USP25: variants seen among roughly 807,000 people sequenced by gnomAD.
USP25 encodes ubiquitin carboxyl-terminal hydrolase 25.
USP25 carries 85 observed loss-of-function variants against 158.5 expected under a neutral mutation model. The observed-to-expected ratio is 0.54, with a 90% CI of 0.45 to 0.64. The LOEUF (loss-of-function observed/expected upper bound fraction) is 0.64. Ranked by LOEUF, USP25 falls within the 30% of genes least tolerant of loss-of-function variation. The probability of loss-of-function intolerance (pLI) is 0.00; values close to 1 mark genes in which losing one functional copy is unlikely to be tolerated. For missense variants in USP25, 1,242 were observed against 1,327.3 expected, an observed-to-expected ratio of 0.94 and a Z score of 1.00; for synonymous variants, 464 against 460.4, an observed-to-expected ratio of 1.01 and a Z score of -0.10.
chr21:15,772,518 A>G (rs1193756665), intron 3 of USP25, among the ~76,000 whole-genome samples: 11 of 152,202 alleles, frequency 7.2e-5, no homozygotes, highest in Non-Finnish European at 4.4e-5. Flanking sequence ...TTGCCTTGAC[A>G]CAGATATGAG....
At position 15,783,264 on chromosome 21, in the gene USP25, C is replaced by A. The variant is rs535049870; in HGVS notation, c.392+5237C>A. Among the ~76,000 whole-genome samples the A allele has an allele frequency of 2.6e-5, 4 of 151,728 alleles. No individual in the cohort carries two copies. The East Asian group carries it at 7.7e-4, about 29-fold the overall frequency. On this transcript the variant is annotated intron_variant, in intron 4 of 25. Transcript: ENST00000400183. ...AAAGCCCATAGGACTTATCAGACAC[C>A]ATTAAGCAAACCTATATTCATATTA...
chr21:15,878,416 T>C lies in USP25; in HGVS notation c.3319T>C (p.Cys1107Arg). The C allele has an allele frequency of 6.2e-7, 1 of 1,614,084 alleles. No individual in the cohort carries two copies. The highest frequency in any genetic ancestry group is 8.5e-7 in the Non-Finnish European group (1 of 1,179,932). ...KLPSYSTHELCERFARIMLSL... is the reference protein window; with the variant it reads ...KLPSYSTHELRERFARIMLSL... ...ACCTTCATATTCCACGCATGAACTCTGTGAGCGATTTGCCCGAATCATGTT... is the reference window on the plus strand; with the variant it reads ...ACCTTCATATTCCACGCATGAACTCCGTGAGCGATTTGCCCGAATCATGTT... The change falls in exon 26 of 26, where the codon TGT (cysteine) becomes CGT (arginine). Residue 1107 changes from cysteine (C) to arginine (R), a missense_variant. By Grantham distance (180) the Cys-to-Arg change is radical. Transcript: ENST00000400183.
chr21:15,849,829 G>A lies in USP25; in HGVS notation c.2504G>A (p.Arg835Lys). The change falls in exon 20 of 26, where the codon AGG (arginine) becomes AAG (lysine). Residue 835 changes from arginine to lysine, a missense_variant. Arg to Lys is a conservative substitution (Grantham distance 26). Around this residue, in one of 3 missense-constraint regions of USP25, gnomAD observed 608 missense variants for 605.2 expected, o/e 1.00. Coordinates refer to ENST00000400183, the MANE Select transcript of USP25 (RefSeq NM_001283041.3). ...ATTATCATGGCGATAGGTAAATCCA[G>A]GAGTGTATATGACAGGTGTGGCCCT... is the stretch of plus-strand genomic sequence containing the variant. The part of the protein sequence containing the change: ...QGIIMAIGKS[R>K]SVYDRCGPEA... 1 of 1,544,846 alleles carries A rather than the reference G, an allele frequency of 6.5e-7. No individual in the cohort carries two copies. Among genetic ancestry groups the A allele is most frequent in the African/African-American group, 1.4e-5 (1 of 72,960 alleles).
chr21:15,824,480 C>T (rs1035766288), intron 11 of USP25, among the ~76,000 whole-genome samples: 2 of 152,108 alleles, frequency 1.3e-5, no homozygotes, highest in African/African-American at 4.8e-5. Context: ...GTGGTGATGT[C>T]TGTACTTAAT....
At position 15,863,926 on chromosome 21, in the gene USP25, A is replaced by C. The variant is rs764382176; in HGVS notation, c.2548-342A>C. 2.0e-5 allele frequency among the ~76,000 whole-genome samples: 3 copies of C among 151,754 alleles called. No individual in the cohort carries two copies. The South Asian group carries it at 6.2e-4, about 32-fold the overall frequency. ...GTGGTGGGCGCCTGTAATCCCAGCTACTTGGGAGGCTGAGGCAGGAGATTC... is the reference window on the plus strand; with the variant it reads ...GTGGTGGGCGCCTGTAATCCCAGCTCCTTGGGAGGCTGAGGCAGGAGATTC... On this transcript the variant is annotated intron_variant, in intron 20 of 25. Coordinates refer to ENST00000400183, the MANE Select transcript of USP25 (RefSeq NM_001283041.3).
rs1320215331 is a variant in USP25 at position 15,766,348 on chromosome 21, A to T, written c.268+207A>T. Among the ~76,000 whole-genome samples, 1 of 152,086 alleles carries T rather than the reference A, an allele frequency of 6.6e-6. No homozygotes were observed. The highest frequency in any genetic ancestry group is 1.9e-4 in the East Asian group (1 of 5,186). On this transcript the variant is annotated intron_variant, in intron 3 of 25. Coordinates refer to ENST00000400183, the MANE Select transcript of USP25 (RefSeq NM_001283041.3). The surrounding 1 kb of genome is among the most constrained non-coding windows in gnomAD (Gnocchi z 4.0). ...TTTTATGTAAGTTATATAGTTTTTCATAGAGCATTTCATATAGAATTTATT... is the reference window on the plus strand; with the variant it reads ...TTTTATGTAAGTTATATAGTTTTTCTTAGAGCATTTCATATAGAATTTATT...
At chr21:15,754,918 T>C (rs2033274940) in intron 1 of USP25, among the ~76,000 whole-genome samples, 1 of 152,218 alleles carries the variant, frequency 6.6e-6, no homozygotes, top group South Asian at 2.1e-4. Context: ...TTGAAATTCT[T>C]GGACAGTGAG....
intron 18 of USP25, among the ~76,000 whole-genome samples, chr21:15,842,949 A>C (rs376868366): frequency 6.6e-6 from 1 of 152,194 alleles, no homozygotes; most frequent in African/African-American, 2.4e-5. Context: ...TGTGTTTAAC[A>C]ATAAAACTAC....
chr21:15,834,161 CATT>C (rs1350383593), intron 17 of USP25, among the ~76,000 whole-genome samples: 2 of 152,056 alleles, frequency 1.3e-5, no homozygotes, highest in Non-Finnish European at 2.9e-5. Context: ...TATTTAAAAA[CATT>C]ATTCTGAAAT....
intron 1 of USP25, among the ~76,000 whole-genome samples, chr21:15,757,237 G>C (rs2033440653): frequency 6.6e-6 from 1 of 152,062 alleles, no homozygotes; most frequent in Non-Finnish European, 1.5e-5. Flanking sequence ...CTTAAACTTA[G>C]GATTTTTCTC....
chr21:15,731,789 C>G (rs2030936823), intron 1 of USP25, among the ~76,000 whole-genome samples: 1 of 152,148 alleles, frequency 6.6e-6, no homozygotes, highest in Non-Finnish European at 1.5e-5. Flanking sequence ...CTAATCCTCC[C>G]TATTCTATTT....
chr21:15,790,649 T>G (rs1411442136), intron 4 of USP25, among the ~76,000 whole-genome samples: 1 of 147,644 alleles, frequency 6.8e-6, no homozygotes, highest in Admixed American at 6.8e-5. Flanking sequence ...GTAACAAGTT[T>G]CTTTTTTTTT....
chr21:15,863,438 A>C (rs534331234), intron 20 of USP25, among the ~76,000 whole-genome samples: 3 of 152,046 alleles, frequency 2.0e-5, no homozygotes, highest in Non-Finnish European at 4.4e-5. Context: ...TGCATTCCTT[A>C]TTTGTGGGCT....
intron 1 of USP25, among the ~76,000 whole-genome samples, chr21:15,754,761 C>G (rs776735668): frequency 6.6e-6 from 1 of 152,126 alleles, no homozygotes; most frequent in Non-Finnish European, 1.5e-5. Context: ...TCAGACAAGT[C>G]ATAGAATATT....
intron 3 of USP25, among the ~76,000 whole-genome samples, chr21:15,775,740 C>CCG (rs371135801): frequency 4.8e-4 from 5 of 10,408 alleles, no homozygotes; most frequent in Non-Finnish European, 1.2e-3. Context: ...ATGGTTGCCA[C>CCG]CCCCCCCCCC....
chr21:15,840,081 A>G (rs1261396753), intron 17 of USP25, among the ~76,000 whole-genome samples: 1 of 151,848 alleles, frequency 6.6e-6, no homozygotes, highest in Non-Finnish European at 1.5e-5. Flanking sequence ...GTAGAGTCTC[A>G]TATATAGCAG....
intron 10 of USP25, among the ~76,000 whole-genome samples, chr21:15,821,853 G>A (rs1397177127): frequency 6.6e-6 from 1 of 151,732 alleles, no homozygotes; most frequent in Non-Finnish European, 1.5e-5. Flanking sequence ...TAGAAAACCA[G>A]CTATTAAAAC....
In USP25 at chr21:15,874,407, A is replaced by G. The variant is rs1438347013; in HGVS notation, c.2890A>G (p.Ile964Val). 15 of 1,603,038 alleles carry G rather than the reference A, an allele frequency of 9.4e-6. No homozygotes were observed. The highest frequency in any genetic ancestry group is 1.2e-5 in the Non-Finnish European group (14 of 1,174,772). Reference sequence around the variant, plus strand: ...TGTTTCTTTTTAATTTTCAAGTTATATAGATTCCTTGCTGTTCCTCATCTG... The same window carrying G: ...TGTTTCTTTTTAATTTTCAAGTTATGTAGATTCCTTGCTGTTCCTCATCTG... The part of the protein sequence containing the change: ...GLENFQRESY[I>V]DSLLFLICAY... The change falls in exon 24 of 26, where the codon ATA (isoleucine) becomes GTA (valine). Residue 964 changes from isoleucine to valine, a missense_variant. Ile to Val is a conservative substitution (Grantham distance 29, BLOSUM62 3). Around this residue, in one of 3 missense-constraint regions of USP25, gnomAD observed 608 missense variants for 605.2 expected, o/e 1.00. Coordinates refer to ENST00000400183, the MANE Select transcript of USP25 (RefSeq NM_001283041.3).
Position 15,824,044 on chromosome 21 carries a change from G to T in USP25, c.1086G>T (p.Trp362Cys), listed in dbSNP as rs1252686980. 5.0e-6 allele frequency: 8 copies of T among 1,612,542 alleles called. No individual in the cohort carries two copies. Among genetic ancestry groups the T allele is most frequent in the South Asian group, 2.2e-5 (2 of 90,850 alleles). ...ENSGKSGQEH[W>C]FTELPPVLTF... is the part of the protein sequence containing the mutation. ...ATTGTTTTATTTCCTTTCAGCATTG[G>T]TTTACTGAATTACCACCTGTGTTAA... The change falls in exon 11 of 26, where the codon TGG (tryptophan) becomes TGT (cysteine). Residue 362 changes from tryptophan (W) to cysteine (C), a missense_variant. Trp to Cys is a radical substitution (Grantham distance 215). Coordinates refer to ENST00000400183, the MANE Select transcript of USP25 (RefSeq NM_001283041.3).
Sources: gnomAD v4.1 joint callset for allele counts (sites outside exome capture counted in the v4.1 genomes callset) on GRCh38, gnomAD v4.1.1 for gene constraint, gnomAD v4.1.1 regional missense constraint, Gnocchi (gnomAD v3.1) non-coding constraint, MANE v1.5 for transcripts, NCBI Gene and HGNC (gene_info 2026-07-23, HGNC 2026-07-21) for gene names.